Variants in PTPRN2 observed in about 807,000 individuals in gnomAD.
The protein encoded by PTPRN2 is protein tyrosine phosphatase receptor type N2, also known as receptor-type tyrosine-protein phosphatase N2.
A neutral mutation model predicts 118.8 loss-of-function variants in PTPRN2; 74 were observed. That is an observed-to-expected ratio of 0.62 (90% CI 0.52 to 0.76). The LOEUF (loss-of-function observed/expected upper bound fraction) is 0.76, where lower values mean the gene tolerates loss of function less well. Among genes scored for constraint, PTPRN2 ranks in the 30% least tolerant of loss-of-function variants. PTPRN2 has a pLI of 0.00. For missense variants in PTPRN2, 1,481 were observed against 1,394.4 expected, an observed-to-expected ratio of 1.06 and a Z score of -0.99; for synonymous variants, 641 against 608.0, an observed-to-expected ratio of 1.05 and a Z score of -0.80.
rs1310431130 is a variant in PTPRN2 at position 157,587,221 on chromosome 7, CACAGGCAG to C, written c.2496+8009_2496+8016del. On this transcript the variant is annotated intron_variant, in intron 17 of 22. Coordinates refer to ENST00000389418, the MANE Select transcript of PTPRN2 (RefSeq NM_002847.5). The surrounding 1 kb of genome is among the most constrained non-coding windows in gnomAD (Gnocchi z 5.3). ...CAGGCAGGCAGACAGAGACAAGACA[CACAGGCAG>C]ACAGGCAGACAGCGAGACAGGCAGA... Among the ~76,000 whole-genome samples the C allele has an allele frequency of 1.3e-5, 2 of 151,118 alleles. No individual in the cohort carries two copies. Among genetic ancestry groups the C allele is most frequent in the East Asian group, 1.9e-4 (1 of 5,148 alleles).
chr7:157,884,174 A>T (rs1796330730), intron 12 of PTPRN2, among the ~76,000 whole-genome samples: 1 of 151,994 alleles, frequency 6.6e-6, no homozygotes, highest in Admixed American at 6.6e-5. Flanking sequence ...AATGACTGTC[A>T]GAGACCAGAA....
intron 3 of PTPRN2, among the ~76,000 whole-genome samples, chr7:158,307,893 T>C (rs1390635127): frequency 6.6e-6 from 1 of 152,060 alleles, no homozygotes; most frequent in Non-Finnish European, 1.5e-5. Flanking sequence ...GGTGACTTTC[T>C]AAGAAGAGGA....
At chr7:157,595,509 CCGGAGG>C (rs1801257255) in intron 16 of PTPRN2, among the ~76,000 whole-genome samples, 194 bp from the exon 17 acceptor site, 2 of 113,382 alleles carry the variant, frequency 1.8e-5, no homozygotes, top group African/African-American at 8.0e-5. Flanking sequence ...TTTAGGAAGC[CCGGAGG>C]TTAGGAAGCC....
chr7:158,089,921 C>T (rs191126079), intron 10 of PTPRN2, among the ~76,000 whole-genome samples: 2,012 of 23,476 alleles, frequency 0.086, 519 homozygotes, highest in African/African-American at 0.14. Context: ...CTTCCCCTGA[C>T]GAAAGAGGGA....
Position 158,239,870 on chromosome 7 carries a change from A to G in PTPRN2, c.278-34597T>C, listed in dbSNP as rs1277343688. Among the ~76,000 whole-genome samples, 9 of 152,326 alleles carry G rather than the reference A, an allele frequency of 5.9e-5. No homozygotes were observed. The South Asian group carries it at 1.7e-3, about 28-fold the overall frequency. On this transcript the variant is annotated intron_variant, in intron 3 of 22. Coordinates refer to ENST00000389418, the MANE Select transcript of PTPRN2 (RefSeq NM_002847.5). The stretch of plus-strand genomic sequence containing the variant: ...CCTGGCCGGGGCACTGGAGGATGCT[A>G]TAAACAATCACGGATCTGAGCAGGT...
intron 11 of PTPRN2, among the ~76,000 whole-genome samples, chr7:158,041,232 G>A (rs2128889737): frequency 6.6e-6 from 1 of 152,332 alleles, no homozygotes; most frequent in East Asian, 1.9e-4. Flanking sequence ...ACTTGGAAGA[G>A]ATCTACTAGT....
intron 1 of PTPRN2, among the ~76,000 whole-genome samples, chr7:158,552,770 T>C (rs1430771289): frequency 6.6e-6 from 1 of 152,230 alleles, no homozygotes; most frequent in African/African-American, 2.4e-5. Context: ...ATCAAAAAAG[T>C]GTCTACATAC....
At chr7:157,904,080 A>G (rs1797620368) in intron 11 of PTPRN2, among the ~76,000 whole-genome samples, 1 of 152,186 alleles carries the variant, frequency 6.6e-6, no homozygotes. Flanking sequence ...CTCTTATGCT[A>G]TTAACTCGCC....
chr7:158,040,402 A>ACG (rs1482199400), intron 11 of PTPRN2, among the ~76,000 whole-genome samples: 1 of 148,668 alleles, frequency 6.7e-6, no homozygotes, highest in Non-Finnish European at 1.5e-5. Flanking sequence ...CACACTTCAC[A>ACG]CACACACACA....
At chr7:157,666,513 A>C (rs80124748) in intron 13 of PTPRN2, among the ~76,000 whole-genome samples, 1,550 of 129,782 alleles carry the variant, frequency 0.012, 56 homozygotes, top group South Asian at 0.11. Flanking sequence ...GAAAAAAAAA[A>C]AACCCCACAG....
chr7:157,672,256 C>A (rs778751711), intron 13 of PTPRN2, among the ~76,000 whole-genome samples: 2 of 152,158 alleles, frequency 1.3e-5, no homozygotes, highest in Non-Finnish European at 2.9e-5. Context: ...CCTGGAAATC[C>A]ACCCTCAGAA....
At chr7:157,728,819 C>T in intron 12 of PTPRN2, among the ~76,000 whole-genome samples, 1 of 152,230 alleles carries the variant, frequency 6.6e-6, no homozygotes, top group East Asian at 1.9e-4. Context: ...AATCCCAGAC[C>T]AGAACCTCAA....
At chr7:158,091,604 G>A (rs1172031699) in intron 10 of PTPRN2, among the ~76,000 whole-genome samples, 3 of 151,256 alleles carry the variant, frequency 2.0e-5, no homozygotes, top group African/African-American at 7.3e-5. Flanking sequence ...AGATGGATGG[G>A]TAGAGAGATG....
chr7:157,841,907 G>A (rs912190616), intron 12 of PTPRN2, among the ~76,000 whole-genome samples: 1 of 152,058 alleles, frequency 6.6e-6, no homozygotes, highest in Non-Finnish European at 1.5e-5. Context: ...ACAGTACCCG[G>A]GGACTGTGTC....
chr7:158,410,139 A>C (rs1206352115), intron 2 of PTPRN2, among the ~76,000 whole-genome samples: 1 of 152,124 alleles, frequency 6.6e-6, no homozygotes, highest in Non-Finnish European at 1.5e-5. Context: ...CCTCCATTTA[A>C]GAAAAAGAAA....
At chr7:158,279,146 C>T (rs529528938) in intron 3 of PTPRN2, among the ~76,000 whole-genome samples, 34 of 152,348 alleles carry the variant, frequency 2.2e-4, no homozygotes, top group African/African-American at 7.9e-4. Context: ...CTTTTATCCC[C>T]ATATCTGGCC....
chr7:157,653,134 T>C (rs940408609), intron 14 of PTPRN2, among the ~76,000 whole-genome samples: 31 of 152,182 alleles, frequency 2.0e-4, no homozygotes, highest in Admixed American at 1.3e-4. Flanking sequence ...AGCCGGCCTC[T>C]CCCACCTGCT....
chr7:158,063,442 T>C (rs752199753), intron 11 of PTPRN2, among the ~76,000 whole-genome samples: 19 of 152,052 alleles, frequency 1.2e-4, no homozygotes, highest in Non-Finnish European at 2.4e-4. Context: ...CTCTGTAAAA[T>C]AGACCAATCA....
intron 2 of PTPRN2, among the ~76,000 whole-genome samples, chr7:158,333,443 G>A (rs1443798827): frequency 2.1e-5 from 3 of 143,536 alleles, no homozygotes; most frequent in Non-Finnish European, 4.5e-5. Flanking sequence ...GGTGACACCT[G>A]CAGACGTCTC....
Sources: gnomAD v4.1 joint callset for allele counts (sites outside exome capture counted in the v4.1 genomes callset) on GRCh38, gnomAD v4.1.1 for gene constraint, Gnocchi (gnomAD v3.1) non-coding constraint, MANE v1.5 for transcripts, NCBI Gene and HGNC (gene_info 2026-07-23, HGNC 2026-07-21) for gene names.